Variants in SUFU observed in about 807,000 individuals in gnomAD.
The protein encoded by SUFU is suppressor of fused homolog.
Under a neutral mutation model 58.9 loss-of-function variants are expected in SUFU, and 7 were observed. The ratio of observed to expected loss-of-function variants is 0.12; its 90% confidence interval spans 0.07 to 0.22. The LOEUF is 0.22. Ranked by LOEUF, SUFU falls within the 10% of genes least tolerant of loss-of-function variation. The pLI is 1.00. For synonymous variants in SUFU, 232 were observed against 254.8 expected (o/e 0.91, Z 0.85); for missense variants, 451 against 641.3 (o/e 0.70, Z 3.20).
intron 3 of SUFU, among the ~76,000 whole-genome samples, chr10:102,557,860 A>C (rs1260174245): frequency 1.3e-5 from 2 of 151,842 alleles, no homozygotes; most frequent in Non-Finnish European, 2.9e-5. Context: ...CAGCAGGCAC[A>C]GGGCTTTGTG....
intron 8 of SUFU, among the ~76,000 whole-genome samples, chr10:102,609,807 G>A (rs2063604337): frequency 6.6e-6 from 1 of 152,134 alleles, no homozygotes; most frequent in Non-Finnish European, 1.5e-5. Context: ...TGAGGGAATG[G>A]GAGAGAGGTG....
chr10:102,570,333 C>T (rs1249595541), intron 3 of SUFU, among the ~76,000 whole-genome samples: 1 of 152,000 alleles, frequency 6.6e-6, no homozygotes, highest in Non-Finnish European at 1.5e-5. Flanking sequence ...CCTCCGCCTC[C>T]CAGGTTCAAG....
At chr10:102,558,025 G>C (rs1027134200) in intron 3 of SUFU, among the ~76,000 whole-genome samples, 1 of 150,908 alleles carries the variant, frequency 6.6e-6, no homozygotes, top group Non-Finnish European at 1.5e-5. Flanking sequence ...TCAGCCTCCC[G>C]AGTAGCTGGG....
At chr10:102,602,189 A>G (rs1472396390) in intron 8 of SUFU, among the ~76,000 whole-genome samples, 1 of 152,212 alleles carries the variant, frequency 6.6e-6, no homozygotes, top group East Asian at 1.9e-4. Flanking sequence ...ATAATCTTAC[A>G]TATTCCCCTT....
At chr10:102,620,314 C>A (rs1020830869) in intron 10 of SUFU, among the ~76,000 whole-genome samples, 1 of 152,110 alleles carries the variant, frequency 6.6e-6, no homozygotes, top group Non-Finnish European at 1.5e-5. Context: ...AAGGAGAGGC[C>A]GAGAGGAAAA....
intron 2 of SUFU, among the ~76,000 whole-genome samples, chr10:102,516,642 G>T (rs572955092): frequency 3.0e-4 from 46 of 152,042 alleles, no homozygotes; most frequent in Admixed American, 5.9e-4. Context: ...CCACCTCCCG[G>T]GTTCAAGCGA....
chr10:102,588,800 A>C (rs1362251920), intron 3 of SUFU, among the ~76,000 whole-genome samples: 1 of 152,120 alleles, frequency 6.6e-6, no homozygotes, highest in Non-Finnish European at 1.5e-5. Context: ...TCTTTCAATG[A>C]TGTTTTGTAG....
At chr10:102,503,948 C>T, upstream of SUFU, 1 of 663,426 alleles carries the variant, frequency 1.5e-6, no homozygotes, top group Admixed American at 4.2e-5. Flanking sequence ...CTTAGCGCCC[C>T]GCCGCCCCGA....
intron 2 of SUFU, among the ~76,000 whole-genome samples, chr10:102,516,125 CTT>C (rs60544094): frequency 0.048 from 6,023 of 125,498 alleles, 371 homozygotes; most frequent in African/African-American, 0.16. Context: ...TCTTTCTTTT[CTT>C]TTTTTTTTTT....
chr10:102,588,378 G>A (rs551481344), intron 3 of SUFU, among the ~76,000 whole-genome samples: 2 of 146,290 alleles, frequency 1.4e-5, no homozygotes, highest in East Asian at 4.1e-4. Flanking sequence ...GGGCGACAGA[G>A]CAAGACTCTG....
chr10:102,511,219 A>G (rs993473854), intron 2 of SUFU, among the ~76,000 whole-genome samples: 13 of 151,768 alleles, frequency 8.6e-5, no homozygotes, highest in Non-Finnish European at 1.5e-4. Flanking sequence ...CTTTTCTTCA[A>G]TTTAAATGTA....
chr10:102,513,506 G>A (rs546045944), intron 2 of SUFU, among the ~76,000 whole-genome samples: 1 of 152,350 alleles, frequency 6.6e-6, no homozygotes, highest in East Asian at 1.9e-4. Context: ...ATTCTTGTCT[G>A]AAGGAGCTCA....
At chr10:102,515,462 C>G (rs2062457178) in intron 2 of SUFU, among the ~76,000 whole-genome samples, 1 of 151,924 alleles carries the variant, frequency 6.6e-6, no homozygotes, top group Admixed American at 6.6e-5. Flanking sequence ...ACTACAGGCG[C>G]ATGCCACCAT....
chr10:102,596,898 T>C (rs1434547094), intron 6 of SUFU, among the ~76,000 whole-genome samples: 3 of 152,046 alleles, frequency 2.0e-5, no homozygotes, highest in African/African-American at 7.2e-5. Context: ...CCCTTGGGAT[T>C]TGCATTCCTC....
chr10:102,511,420 G>A (rs2062399740), intron 2 of SUFU, among the ~76,000 whole-genome samples: 1 of 151,964 alleles, frequency 6.6e-6, no homozygotes, highest in Non-Finnish European at 1.5e-5. Flanking sequence ...ACCTGGGCAG[G>A]TTGAAAGAGT....
chr10:102,540,727 T>C (rs1191433256), intron 2 of SUFU, among the ~76,000 whole-genome samples: 1 of 150,974 alleles, frequency 6.6e-6, no homozygotes, highest in Non-Finnish European at 1.5e-5. Flanking sequence ...AATATATATA[T>C]ATATATATTT....
intron 2 of SUFU, among the ~76,000 whole-genome samples, chr10:102,519,686 C>G (rs1222845577): frequency 2.0e-5 from 3 of 152,212 alleles, no homozygotes; most frequent in Admixed American, 6.5e-5. Context: ...TGCCCAGCAT[C>G]TCAGTGATCC....
intron 9 of SUFU, among the ~76,000 whole-genome samples, chr10:102,615,681 C>T (rs1035174821): frequency 1.3e-5 from 2 of 152,166 alleles, no homozygotes; most frequent in African/African-American, 4.8e-5. Flanking sequence ...AGCCAGTCGC[C>T]CCCATGTCAC....
At chr10:102,563,585 T>C (rs2063060104) in intron 3 of SUFU, among the ~76,000 whole-genome samples, 1 of 151,650 alleles carries the variant, frequency 6.6e-6, no homozygotes, top group Non-Finnish European at 1.5e-5. Flanking sequence ...GTGGGGAGGA[T>C]AGATTGAGTC....
Sources: gnomAD v4.1 joint callset for allele counts (sites outside exome capture counted in the v4.1 genomes callset) on GRCh38, gnomAD v4.1.1 for gene constraint, MANE v1.5 for transcripts, NCBI Gene and HGNC (gene_info 2026-07-23, HGNC 2026-07-21) for gene names.